CCDC9: variants seen among roughly 807,000 people sequenced by gnomAD.
CCDC9 encodes the protein coiled-coil domain containing 9, also known as coiled-coil domain-containing protein 9.
A neutral mutation model predicts 65.6 loss-of-function variants in CCDC9; 52 were observed. That is an observed-to-expected ratio of 0.79 (90% CI 0.63 to 1.00). The LOEUF (loss-of-function observed/expected upper bound fraction) is 1.00. Among genes scored for constraint, CCDC9 ranks in the 50% least tolerant of loss-of-function variants. CCDC9 has a pLI of 0.00. For missense variants in CCDC9, 834 were observed against 757.2 expected, an observed-to-expected ratio of 1.10 and a Z score of -1.19; for synonymous variants, 332 against 280.3, an observed-to-expected ratio of 1.18 and a Z score of -1.84.
At position 47,271,531 on chromosome 19, in the gene CCDC9, T is replaced by G; in HGVS notation, c.1449T>G (p.Pro483=). Residue 483 remains proline (P), a synonymous_variant, in exon 12 of 12, where the codon CCT becomes CCG. Coordinates refer to ENST00000221922, the MANE Select transcript of CCDC9 (RefSeq NM_015603.3). ...AGCCCCTGCTGGAGCCCCAGGCCCC[T>G]GGCACGCCTTCCAGCCCTTTCTCAC... ...PEEPLLEPQA[P]GTPSSPFSPP... 1 of 1,612,890 alleles carries G rather than the reference T, an allele frequency of 6.2e-7. No homozygotes were observed. Among genetic ancestry groups the G allele is most frequent in the South Asian group, 1.1e-5 (1 of 91,028 alleles).
intron 1 of CCDC9, chr19:47,258,076 G>A: frequency 2.2e-6 from 1 of 445,452 alleles, no homozygotes; most frequent in Non-Finnish European, 4.1e-6. Flanking sequence ...GTGGGGGCCA[G>A]AACATCCCCA....
downstream of CCDC9, chr19:47,272,293 G>A (rs2059129040): frequency 1.7e-6 from 1 of 597,838 alleles, no homozygotes; most frequent in South Asian, 8.9e-5. Context: ...GAGGTGAAAA[G>A]GGTGAGCTCG....
chr19:47,275,048 T>C, downstream of CCDC9: 1 of 1,492,764 alleles, frequency 6.7e-7, no homozygotes, highest in Non-Finnish European at 8.9e-7. Flanking sequence ...TCTCGCTAGC[T>C]GCCGTGCTGC....
At position 47,260,326 on chromosome 19, in the gene CCDC9, T is replaced by C. The variant is rs1281690596; in HGVS notation, c.114T>C (p.Ile38=). The change falls in exon 4 of 12, where the codon ATT becomes ATC. Residue 38 remains isoleucine, a synonymous_variant. Coordinates refer to ENST00000221922, the MANE Select transcript of CCDC9 (RefSeq NM_015603.3). The part of the protein sequence containing the change: ...NEALIRRYQE[I]EEDRKKAELE... The stretch of plus-strand genomic sequence containing the variant: ...CCCCGGCTGTCTGCTCCTAGGAGAT[T>C]GAGGAAGACCGTAAGAAAGCTGAAC... 6.3e-7 allele frequency: 1 copy of C among 1,586,190 alleles called. No individual in the cohort carries two copies. Among genetic ancestry groups the C allele is most frequent in the Non-Finnish European group, 8.6e-7 (1 of 1,165,756 alleles).
At chr19:47,262,377 C>T (rs1250124767) in intron 5 of CCDC9, among the ~76,000 whole-genome samples, 2 of 152,052 alleles carry the variant, frequency 1.3e-5, no homozygotes, top group Admixed American at 6.6e-5. Flanking sequence ...CCACCACACC[C>T]GGCTAGTTTT....
intron 3 of CCDC9, 150 bp downstream of exon 3, chr19:47,258,813 C>T (rs1004192901): frequency 6.4e-5 from 41 of 637,288 alleles, no homozygotes; most frequent in Non-Finnish European, 1.1e-4. Context: ...TTCTTTCATT[C>T]CATTATTCAT....
rs773610257 is a variant in CCDC9 at position 47,271,171 on chromosome 19, A to G, written c.1175A>G (p.Lys392Arg). The G allele has an allele frequency of 1.8e-4, 285 of 1,598,262 alleles. No individual in the cohort carries two copies. The highest frequency in any genetic ancestry group is 2.2e-4 in the Non-Finnish European group (263 of 1,174,006). ...CCTACTTCCCCCGAGACTTCCCCCA[A>G]GGAGACACCCATGCAGGTGAGGCTG... ...PQPTSPETSPKETPMQPPEIP... is the reference protein window; with the variant it reads ...PQPTSPETSPRETPMQPPEIP... The change falls in exon 11 of 12, where the codon AAG becomes AGG. Residue 392 changes from lysine to arginine, a missense_variant. Lys to Arg is a conservative substitution (Grantham distance 26, BLOSUM62 2). Transcript: ENST00000221922.
chr19:47,274,632 T>C (rs1345667878), downstream of CCDC9: 15 of 174,032 alleles, frequency 8.6e-5, no homozygotes, highest in Non-Finnish European at 1.3e-4. Context: ...AAGAGAACCG[T>C]GTTGTGGCGG....
At chr19:47,273,457 C>A, downstream of CCDC9, 3 of 1,142,644 alleles carry the variant, frequency 2.6e-6, no homozygotes, top group Non-Finnish European at 3.3e-6. Flanking sequence ...GGGCCGCTCG[C>A]TGACCGCGCC....
At chr19:47,273,272 G>A, downstream of CCDC9, 1 of 818,606 alleles carries the variant, frequency 1.2e-6, no homozygotes, top group Non-Finnish European at 1.6e-6. Flanking sequence ...GATGAGAGAC[G>A]TGGCTAGACG....
At position 47,271,636 on chromosome 19, in the gene CCDC9, C is replaced by T. The variant is rs753053445; in HGVS notation, c.1554C>T (p.Gly518=). 24 of 1,606,868 alleles carry T rather than the reference C, an allele frequency of 1.5e-5. No homozygotes were observed. The highest frequency in any genetic ancestry group is 6.7e-5 in the East Asian group (3 of 44,580). Residue 518 remains glycine, a synonymous_variant, in exon 12 of 12, where the codon GGC becomes GGT. Transcript: ENST00000221922. ...CTCCCCGGACCACTCACCTGGCTGG[C>T]GCCCTCTCCCCGGGTGAGGCCTGGC... The part of the protein sequence containing the change: ...LNSPRTTHLA[G]ALSPGEAWPF...
intron 5 of CCDC9, among the ~76,000 whole-genome samples, chr19:47,261,744 G>A (rs1020276768): frequency 2.0e-5 from 3 of 148,110 alleles, no homozygotes; most frequent in African/African-American, 5.0e-5. Context: ...AATGCTGGGC[G>A]TGGTGGCTCA....
intron 7 of CCDC9, among the ~76,000 whole-genome samples, chr19:47,265,903 G>T (rs2059078513): frequency 6.7e-6 from 1 of 148,900 alleles, no homozygotes. Context: ...AGCCAGGATG[G>T]TCTCTATCTC....
intron 7 of CCDC9, among the ~76,000 whole-genome samples, chr19:47,265,713 A>C (rs909048918): frequency 1.4e-5 from 2 of 143,474 alleles, no homozygotes; most frequent in Admixed American, 1.4e-4. Flanking sequence ...TTTGAGATGG[A>C]GTCTTGCTCC....
Position 47,270,353 on chromosome 19 carries a change from C to A in CCDC9, c.903-54C>A, listed in dbSNP as rs1420042347. On this transcript the variant is annotated intron_variant, in intron 8 of 11. Coordinates refer to ENST00000221922, the MANE Select transcript of CCDC9 (RefSeq NM_015603.3). ...CCCTGACCTCTCCCATCTTCTTGATCCTCTTGTTACCCTGTTCCCCCAGCT... is the reference window on the plus strand; with the variant it reads ...CCCTGACCTCTCCCATCTTCTTGATACTCTTGTTACCCTGTTCCCCCAGCT... 3 of 1,570,962 alleles carry A rather than the reference C, an allele frequency of 1.9e-6. No individual in the cohort carries two copies. The East Asian group carries it at 6.7e-5, about 35-fold the overall frequency.
chr19:47,256,823 C>T (rs1453292392), intron 1 of CCDC9, among the ~76,000 whole-genome samples: 1 of 145,056 alleles, frequency 6.9e-6, no homozygotes, highest in African/African-American at 2.6e-5. Context: ...CCTGGGCCGG[C>T]GGCTGTGGGC....
downstream of CCDC9, chr19:47,275,280 G>A (rs1299913157): frequency 3.2e-6 from 5 of 1,545,684 alleles, no homozygotes; most frequent in Admixed American, 2.0e-5. Context: ...CAGCGACCCT[G>A]ACCGCCGTCC....
chr19:47,270,466 C>T lies in CCDC9; in HGVS notation c.949+13C>T. On this transcript the variant is annotated intron_variant, in intron 9 of 11. Transcript: ENST00000221922. ...TCCCACCGCTATGGTGAGTGGGTGC[C>T]CTTGGATGAGCTGAGGCTCGGTCTG... 6.2e-7 allele frequency: 1 copy of T among 1,614,196 alleles called. No homozygotes were observed. Among genetic ancestry groups the T allele is most frequent in the Non-Finnish European group, 8.5e-7 (1 of 1,180,036 alleles).
At chr19:47,261,425 T>G (rs1318661957) in intron 5 of CCDC9, among the ~76,000 whole-genome samples, 1 of 151,906 alleles carries the variant, frequency 6.6e-6, no homozygotes, top group African/African-American at 2.4e-5. Flanking sequence ...AGGGTGGGAG[T>G]CTGTCTAGCT....
Sources: allele counts gnomAD v4.1 joint callset (sites outside exome capture counted in the v4.1 genomes callset), GRCh38; gene constraint gnomAD v4.1.1; transcripts MANE v1.5; gene names NCBI Gene and HGNC (gene_info 2026-07-23, HGNC 2026-07-21).